The following TFDP2 variants were observed in gnomAD, a reference collection of about 807,000 sequenced individuals.
TFDP2 encodes the protein transcription factor Dp-2.
Under a neutral mutation model 59.3 loss-of-function variants are expected in TFDP2, and 17 were observed. The ratio of observed to expected loss-of-function variants is 0.29; its 90% CI spans 0.20 to 0.43. The LOEUF (loss-of-function observed/expected upper bound fraction) is 0.43. Among genes scored for constraint, TFDP2 ranks in the 20% least tolerant of loss-of-function variants. The pLI, the probability that TFDP2 is intolerant of heterozygous loss-of-function variation, is 1.00. For missense variants in TFDP2, 391 were observed against 528.8 expected, an observed-to-expected ratio of 0.74 and a Z score of 2.56; for synonymous variants, 180 against 194.7, an observed-to-expected ratio of 0.92 and a Z score of 0.63.
chr3:142,148,336 A>G (rs1187103655), intron 1 of TFDP2, among the ~76,000 whole-genome samples: 1 of 152,236 alleles, frequency 6.6e-6, no homozygotes, highest in Non-Finnish European at 1.5e-5. Flanking sequence ...AAAAGGAATG[A>G]GCCCGTTCAC....
chr3:142,055,417 T>G (rs1312293974), intron 3 of TFDP2, among the ~76,000 whole-genome samples: 5 of 152,220 alleles, frequency 3.3e-5, no homozygotes, highest in Admixed American at 3.3e-4. Flanking sequence ...ACCTACCATG[T>G]GCCAAAAACA....
intron 3 of TFDP2, among the ~76,000 whole-genome samples, chr3:142,031,883 T>C (rs991444881): frequency 4.6e-5 from 7 of 152,240 alleles, no homozygotes; most frequent in Non-Finnish European, 1.0e-4. Context: ...ATCTATATAA[T>C]GAAGCAGTAG....
At chr3:141,997,166 A>G (rs1943346277) in intron 4 of TFDP2, among the ~76,000 whole-genome samples, 1 of 152,182 alleles carries the variant, frequency 6.6e-6, no homozygotes, top group Non-Finnish European at 1.5e-5. Flanking sequence ...GGTTTAACAC[A>G]GTGGTAGGGG....
At chr3:142,001,885 T>A (rs1224554152) in intron 4 of TFDP2, among the ~76,000 whole-genome samples, 1 of 152,176 alleles carries the variant, frequency 6.6e-6, no homozygotes, top group Non-Finnish European at 1.5e-5. Flanking sequence ...TTTTATTTTT[T>A]TGAGATAGAG....
intron 3 of TFDP2, among the ~76,000 whole-genome samples, chr3:142,045,098 T>A (rs1379993196): frequency 2.0e-5 from 3 of 152,130 alleles, no homozygotes; most frequent in Non-Finnish European, 4.4e-5. Flanking sequence ...AAAGTATAAT[T>A]TTTTTCTGTT....
At chr3:142,019,308 C>G (rs1945409220) in intron 3 of TFDP2, among the ~76,000 whole-genome samples, 1 of 152,200 alleles carries the variant, frequency 6.6e-6, no homozygotes, top group African/African-American at 2.4e-5. Context: ...AGGTAACCCG[C>G]CCGCCTCAGC....
chr3:142,148,943 G>A (rs990341135), intron 1 of TFDP2, among the ~76,000 whole-genome samples: 10 of 152,224 alleles, frequency 6.6e-5, no homozygotes, highest in Non-Finnish European at 1.5e-4. Context: ...GTGACTCAGG[G>A]ACGTTACCTC....
intron 6 of TFDP2, among the ~76,000 whole-genome samples, chr3:141,982,619 C>T (rs553744480): frequency 1.3e-5 from 2 of 152,188 alleles, no homozygotes; most frequent in East Asian, 3.9e-4. Flanking sequence ...AGGGTGGTTT[C>T]GGGCAATCAC....
rs147380185 is a variant in TFDP2, at chr3:141,992,199, C to T, written c.356+1339G>A. 1.2e-3 allele frequency among the ~76,000 whole-genome samples: 184 copies of T among 151,808 alleles called. 3 individuals are homozygous for T. The East Asian group carries it at 0.027, about 23-fold the overall frequency. On this transcript the variant is annotated intron_variant, in intron 6 of 12. Coordinates refer to ENST00000489671, the MANE Select transcript of TFDP2 (RefSeq NM_001178139.2). The stretch of plus-strand genomic sequence containing the variant: ...AAAGAAAAATACATGTAGCAATCTT[C>T]GTGGTTTGACAGACGGGTGGTGGGG...
intron 1 of TFDP2, among the ~76,000 whole-genome samples, chr3:142,139,564 G>A (rs1488316335): frequency 1.3e-5 from 2 of 152,020 alleles, no homozygotes; most frequent in Non-Finnish European, 2.9e-5. Context: ...CAGGCCTGGT[G>A]GTGAAAAAAT....
At chr3:142,070,602 T>C (rs1445432852) in intron 3 of TFDP2, among the ~76,000 whole-genome samples, 1 of 152,230 alleles carries the variant, frequency 6.6e-6, no homozygotes, top group Admixed American at 6.5e-5. Flanking sequence ...TTAAAGTACA[T>C]ATGCCTTATG....
chr3:142,031,826 A>G (rs1043088470), intron 3 of TFDP2, among the ~76,000 whole-genome samples: 3 of 152,218 alleles, frequency 2.0e-5, no homozygotes, highest in African/African-American at 7.2e-5. Flanking sequence ...TAACACTATA[A>G]TAGTGTAATG....
intron 3 of TFDP2, among the ~76,000 whole-genome samples, chr3:142,057,985 G>A (rs952678828): frequency 6.6e-6 from 1 of 152,152 alleles, no homozygotes; most frequent in African/African-American, 2.4e-5. Flanking sequence ...TATACCAGAT[G>A]TCACTTTTCT....
At chr3:142,146,859 T>G (rs529613052) in intron 1 of TFDP2, among the ~76,000 whole-genome samples, 1 of 152,080 alleles carries the variant, frequency 6.6e-6, no homozygotes, top group South Asian at 2.1e-4. Flanking sequence ...CTTCAAATAG[T>G]TGAAAACCCA....
At chr3:142,004,596 G>A (rs1944072002) in intron 4 of TFDP2, among the ~76,000 whole-genome samples, 1 of 152,134 alleles carries the variant, frequency 6.6e-6, no homozygotes, top group African/African-American at 2.4e-5. Flanking sequence ...ATTAATGAAT[G>A]TCTTTAGAGA....
At chr3:141,967,645 T>A (rs758460480) in intron 9 of TFDP2, among the ~76,000 whole-genome samples, 8 of 152,184 alleles carry the variant, frequency 5.3e-5, no homozygotes, top group Admixed American at 4.6e-4. Flanking sequence ...ATTTCAGTTA[T>A]ACTTTGGGTT....
chr3:142,087,247 G>A (rs924013922), intron 3 of TFDP2, among the ~76,000 whole-genome samples: 3 of 152,188 alleles, frequency 2.0e-5, no homozygotes, highest in Non-Finnish European at 4.4e-5. Context: ...TTTGTTAGGT[G>A]ATTTCATTGT....
chr3:142,071,643 C>T (rs2060252398), intron 3 of TFDP2, among the ~76,000 whole-genome samples: 1 of 152,136 alleles, frequency 6.6e-6, no homozygotes, highest in Non-Finnish European at 1.5e-5. Flanking sequence ...GTAGTCTGAC[C>T]TATTACAGCA....
At chr3:142,097,265 G>A (rs2061190535) in intron 2 of TFDP2, among the ~76,000 whole-genome samples, 1 of 152,148 alleles carries the variant, frequency 6.6e-6, no homozygotes, top group East Asian at 1.9e-4. Context: ...TAATTTCATA[G>A]AATTTTTCTT....
Sources: gnomAD v4.1 joint callset for allele counts (sites outside exome capture counted in the v4.1 genomes callset) on GRCh38, gnomAD v4.1.1 for gene constraint, MANE v1.5 for transcripts, NCBI Gene and HGNC (gene_info 2026-07-23, HGNC 2026-07-21) for gene names.